The following PC variants were observed in gnomAD, a reference collection of about 807,000 sequenced individuals.
PC encodes pyruvate carboxylase.
Under a neutral mutation model 107.8 loss-of-function variants are expected in PC, and 46 were observed. The ratio of observed to expected loss-of-function variants is 0.43; its 90% CI spans 0.34 to 0.55. The LOEUF (loss-of-function observed/expected upper bound fraction) is 0.55, where lower values mean the gene tolerates loss of function less well. Ranked by LOEUF, PC falls within the 20% of genes least tolerant of loss-of-function variation. PC has a pLI of 0.04. For synonymous variants in PC, 662 were observed against 684.7 expected (o/e 0.97, Z 0.52); for missense variants, 1,241 against 1,643.1 (o/e 0.76, Z 4.23).
At position 66,947,442 on chromosome 11, in the gene PC, C is replaced by T. The variant is rs1386997681; in HGVS notation, c.-1+4988G>A. Among the ~76,000 whole-genome samples, 3 of 151,906 alleles carry T rather than the reference C, an allele frequency of 2.0e-5. No homozygotes were observed. The East Asian group carries it at 5.8e-4, about 29-fold the overall frequency. ...ACTAAAAATACAAAAACAAAATTAG[C>T]TGGGTGTGGTGGTGGGTGCCTGTAG... On this transcript the variant is annotated intron_variant, in intron 3 of 22. Coordinates refer to ENST00000393960, the MANE Select transcript of PC (RefSeq NM_001040716.2).
chr11:66,878,207 C>CAA (rs1947053384), intron 3 of PC, among the ~76,000 whole-genome samples: 1 of 152,128 alleles, frequency 6.6e-6, no homozygotes, highest in East Asian at 1.9e-4. Context: ...CCACTGGCAC[C>CAA]GAGATTCTCA....
Position 66,908,769 on chromosome 11 carries a change from T to C in PC, c.1-36610A>G, listed in dbSNP as rs1017321277. Among the ~76,000 whole-genome samples, 7 of 152,266 alleles carry C rather than the reference T, an allele frequency of 4.6e-5. No individual in the cohort carries two copies. In the South Asian group the frequency reaches 1.2e-3, roughly 27 times the overall value. On this transcript the variant is annotated intron_variant, in intron 3 of 22. Transcript: ENST00000393960. Reference sequence around the variant, plus strand: ...GCTGAGCCTGCTACGGGAACGTAAGTGCGCCCTGATCCAAGCCAGGCAGAG... The same window carrying C: ...GCTGAGCCTGCTACGGGAACGTAAGCGCGCCCTGATCCAAGCCAGGCAGAG...
chr11:66,933,903 G>C (rs76014225), intron 3 of PC, among the ~76,000 whole-genome samples: 1,721 of 152,222 alleles, frequency 0.011, 35 homozygotes, highest in African/African-American at 0.04. Context: ...CCAACACGCA[G>C]CTGGGGTTCA....
intron 3 of PC, among the ~76,000 whole-genome samples, chr11:66,941,078 TAAAAA>T (rs56790474): frequency 3.6e-5 from 3 of 83,874 alleles, no homozygotes; most frequent in Non-Finnish European, 7.0e-5. Context: ...AGACTCCATC[TAAAAA>T]AAAAAAAAAA....
At chr11:66,918,375 C>T (rs1948511658) in intron 3 of PC, among the ~76,000 whole-genome samples, 1 of 151,078 alleles carries the variant, frequency 6.6e-6, no homozygotes, top group Non-Finnish European at 1.5e-5. Context: ...TTTCAAAAAA[C>T]ATATACAAAA....
chr11:66,858,297 C>T lies in PC; in HGVS notation c.1369-4914G>A, dbSNP rs754040485. The stretch of plus-strand genomic sequence containing the variant: ...GGACCATAACCTTATTGACGCACTG[C>T]CCCCAGGCGCCTTCGCCCAGCTCGG... On this transcript the variant is annotated intron_variant, in intron 12 of 22. Transcript: ENST00000393960. This position sits in a 1 kb window ranked among gnomAD's most constrained non-coding sequence, Gnocchi z 5.9. 25 of 1,610,864 alleles carry T rather than the reference C, an allele frequency of 1.6e-5. No individual in the cohort carries two copies. The highest frequency in any genetic ancestry group is 2.1e-5 in the Non-Finnish European group (25 of 1,179,854).
At chr11:66,918,741 G>T (rs1948523285) in intron 3 of PC, among the ~76,000 whole-genome samples, 1 of 151,990 alleles carries the variant, frequency 6.6e-6, no homozygotes, top group African/African-American at 2.4e-5. Context: ...GAGATAAGAG[G>T]CAGAAGAATA....
chr11:66,928,872 T>C (rs1378878482), intron 3 of PC, among the ~76,000 whole-genome samples: 5 of 152,020 alleles, frequency 3.3e-5, no homozygotes, highest in South Asian at 2.1e-4. Flanking sequence ...AAGGCTAAAA[T>C]AGCAAAATAT....
chr11:66,922,166 A>C (rs540058036), intron 3 of PC, among the ~76,000 whole-genome samples: 2 of 152,328 alleles, frequency 1.3e-5, no homozygotes, highest in South Asian at 4.1e-4. Flanking sequence ...TCTAAACAGA[A>C]TAACGACAAG....
chr11:66,913,479 T>C (rs1443808735), intron 3 of PC, among the ~76,000 whole-genome samples: 1 of 151,274 alleles, frequency 6.6e-6, no homozygotes, highest in African/African-American at 2.4e-5. Context: ...GGTCAGGAGT[T>C]TGAGACCAGC....
chr11:66,919,703 A>G (rs1815822629), intron 3 of PC: 2 of 152,268 alleles, frequency 1.3e-5, no homozygotes, highest in African/African-American at 4.8e-5. Context: ...GAGGCCTGGT[A>G]GTGAGGAGCT....
intron 21 of PC, 102 bp downstream of exon 21, chr11:66,849,509 C>G: frequency 3.7e-6 from 6 of 1,608,626 alleles, no homozygotes; most frequent in Non-Finnish European, 5.1e-6. Context: ...AGGGTCCTTT[C>G]TGCTCCCAAA....
chr11:66,859,857 G>A, intron 12 of PC: 1 of 1,563,324 alleles, frequency 6.4e-7, no homozygotes, highest in Non-Finnish European at 8.7e-7. Context: ...GGCCGTGGGG[G>A]GTGTGCTGGT....
At position 66,910,152 on chromosome 11, in the gene PC, C is replaced by T. The variant is rs377672977; in HGVS notation, c.1-37993G>A. On this transcript the variant is annotated intron_variant, in intron 3 of 22. Transcript: ENST00000393960. ...TGGCTTAAACGGTAGCAAGGTTATG[C>T]GCTGCTGCCCTGGCGAACGAGTCGC... Among the ~76,000 whole-genome samples, 25 of 152,256 alleles carry T rather than the reference C, an allele frequency of 1.6e-4. No individual in the cohort carries two copies. In the East Asian group the frequency reaches 3.1e-3, roughly 19 times the overall value.
At chr11:66,910,074 T>C (rs971038693) in intron 3 of PC, among the ~76,000 whole-genome samples, 2 of 152,276 alleles carry the variant, frequency 1.3e-5, no homozygotes, top group Admixed American at 6.5e-5. Flanking sequence ...TTATGACGAC[T>C]TTATAGGTGT....
At chr11:66,955,626 C>T (rs1474880737) in intron 1 of PC, among the ~76,000 whole-genome samples, 1 of 152,164 alleles carries the variant, frequency 6.6e-6, no homozygotes, top group East Asian at 1.9e-4. Flanking sequence ...AAAGCCCCTT[C>T]CCTAAGAGCA....
chr11:66,871,148 C>T lies in PC; in HGVS notation c.537G>A (p.Glu179=), dbSNP rs112719219. 2.6e-5 allele frequency: 42 copies of T among 1,613,884 alleles called. No homozygotes were observed. Among genetic ancestry groups the T allele is most frequent in the African/African-American group, 2.5e-4 (19 of 75,050 alleles). ...GTDAPITSLH[E]AHEFSNTYGF... is the part of the protein sequence containing the mutation. ...CGTAGGTGTTGGAGAACTCGTGGGC[C>T]TCATGCAGGGACGTGATGGGGGCAT... is the stretch of plus-strand genomic sequence containing the variant. The change falls in exon 7 of 23, where the codon GAG becomes GAA. Residue 179 remains glutamate, a synonymous_variant. Transcript: ENST00000393960. This position sits in a 1 kb window ranked among gnomAD's most constrained non-coding sequence, Gnocchi z 7.4.
chr11:66,877,238 T>G (rs1947014479), intron 3 of PC, among the ~76,000 whole-genome samples: 1 of 152,064 alleles, frequency 6.6e-6, no homozygotes, highest in Non-Finnish European at 1.5e-5. Flanking sequence ...GTACAAAAAT[T>G]AGCCCAGCAT....
At chr11:66,951,586 T>A (rs1949439423) in intron 3 of PC, among the ~76,000 whole-genome samples, 1 of 152,012 alleles carries the variant, frequency 6.6e-6, no homozygotes, top group Admixed American at 6.6e-5. Flanking sequence ...TAAAATCCCA[T>A]CTCTACTAAA....
Sources: gnomAD v4.1 joint callset for allele counts (sites outside exome capture counted in the v4.1 genomes callset) on GRCh38, gnomAD v4.1.1 for gene constraint, Gnocchi (gnomAD v3.1) non-coding constraint, MANE v1.5 for transcripts, NCBI Gene and HGNC (gene_info 2026-07-23, HGNC 2026-07-21) for gene names.